The following NOL4 variants were observed in gnomAD, a reference collection of about 807,000 sequenced individuals.
NOL4 encodes the protein cancer/testis antigen 125.
In NOL4, 17 loss-of-function variants were observed where a neutral mutation model predicts 75.9. The observed-to-expected ratio is 0.22, with a 90% CI of 0.15 to 0.34. The LOEUF (loss-of-function observed/expected upper bound fraction) is 0.34, where lower values mean the gene tolerates loss of function less well. Among genes scored for constraint, NOL4 ranks in the 10% least tolerant of loss-of-function variants. The pLI is 1.00. For synonymous variants in NOL4, 292 were observed against 289.9 expected, an observed-to-expected ratio of 1.01 and a Z score of -0.07; for missense variants, 614 against 793.5, an observed-to-expected ratio of 0.77 and a Z score of 2.72.
chr18:34,222,967 A>G, intron 1 of NOL4, 23 bp downstream of exon 1: 1 of 1,600,020 alleles, frequency 6.2e-7, no homozygotes, highest in South Asian at 1.1e-5. Context: ...CAGACAAATA[A>G]CAGAGGAAGG....
At chr18:33,883,156 T>C in intron 10 of NOL4, 88 bp downstream of exon 10, 2 of 963,010 alleles carry the variant, frequency 2.1e-6, no homozygotes, top group Non-Finnish European at 3.1e-6. Flanking sequence ...TGTATACATA[T>C]GTAACTAACC....
At chr18:34,112,445 A>G (rs990596259) in intron 2 of NOL4, among the ~76,000 whole-genome samples, 1 of 151,758 alleles carries the variant, frequency 6.6e-6, no homozygotes, top group Non-Finnish European at 1.5e-5. Flanking sequence ...TAAAATATAT[A>G]TCAATATTTA....
At chr18:33,957,240 G>T in intron 8 of NOL4, 86 bp downstream of exon 8, 1 of 1,119,980 alleles carries the variant, frequency 8.9e-7, no homozygotes. Context: ...AATAAAAAAA[G>T]ACACTAAGAT....
At chr18:34,003,051 T>A (rs1216525524) in intron 6 of NOL4, among the ~76,000 whole-genome samples, 5 of 152,154 alleles carry the variant, frequency 3.3e-5, no homozygotes, top group Non-Finnish European at 7.4e-5. Flanking sequence ...TGTCCTTGCA[T>A]AATAATTGTT....
chr18:34,050,574 C>T (rs1403825361), intron 5 of NOL4, among the ~76,000 whole-genome samples: 1 of 152,030 alleles, frequency 6.6e-6, no homozygotes, highest in Non-Finnish European at 1.5e-5. Flanking sequence ...TGTGCCACAA[C>T]TTAGATTTGG....
intron 1 of NOL4, among the ~76,000 whole-genome samples, chr18:34,132,863 C>T (rs1300789207): frequency 6.6e-6 from 1 of 152,024 alleles, no homozygotes; most frequent in Non-Finnish European, 1.5e-5. Context: ...TTACAATTAA[C>T]TTCGCAAAAG....
At chr18:34,052,260 T>G (rs931174735) in intron 5 of NOL4, among the ~76,000 whole-genome samples, 1 of 143,582 alleles carries the variant, frequency 7.0e-6, no homozygotes, top group East Asian at 2.2e-4. Context: ...AGCATGTTAT[T>G]CTAGCAAGTG....
chr18:33,889,268 A>G (rs1357545664), intron 9 of NOL4, among the ~76,000 whole-genome samples: 2 of 152,162 alleles, frequency 1.3e-5, no homozygotes, highest in Non-Finnish European at 1.5e-5. Flanking sequence ...TTGAAAATCT[A>G]GAAGAAATGG....
At chr18:34,059,762 T>G (rs1056339760) in intron 5 of NOL4, among the ~76,000 whole-genome samples, 2 of 152,196 alleles carry the variant, frequency 1.3e-5, no homozygotes, top group Non-Finnish European at 2.9e-5. Flanking sequence ...TCTTTAGCAC[T>G]TTTTGTACCA....
chr18:34,141,697 G>T (rs933373961), intron 1 of NOL4, among the ~76,000 whole-genome samples: 2 of 152,182 alleles, frequency 1.3e-5, no homozygotes, highest in Admixed American at 1.3e-4. Flanking sequence ...ATGGATTAAA[G>T]ACTTAAATGT....
intron 6 of NOL4, among the ~76,000 whole-genome samples, chr18:33,978,442 G>A: frequency 6.6e-6 from 1 of 151,950 alleles, no homozygotes; most frequent in East Asian, 1.9e-4. Flanking sequence ...CCATAAGAAG[G>A]ATTTATCTTC....
At chr18:34,124,347 A>G (rs1020859483) in intron 2 of NOL4, among the ~76,000 whole-genome samples, 4 of 152,196 alleles carry the variant, frequency 2.6e-5, no homozygotes, top group Non-Finnish European at 4.4e-5. Flanking sequence ...TTTATATTCT[A>G]TGAGTGAATT....
At chr18:34,101,864 T>C (rs1370320897) in intron 4 of NOL4, among the ~76,000 whole-genome samples, 1 of 152,092 alleles carries the variant, frequency 6.6e-6, no homozygotes, top group Non-Finnish European at 1.5e-5. Context: ...TGGCTCCCCA[T>C]ATTACTCAGA....
At chr18:34,062,966 A>G (rs1323106673) in intron 5 of NOL4, among the ~76,000 whole-genome samples, 1 of 152,180 alleles carries the variant, frequency 6.6e-6, no homozygotes, top group African/African-American at 2.4e-5. Flanking sequence ...TCAACTTTAT[A>G]TCATAGAATT....
In NOL4 at chr18:34,223,197, G is replaced by A. The variant is rs1054762732; in HGVS notation, c.57C>T (p.Tyr19=). 1.2e-6 allele frequency: 2 copies of A among 1,614,024 alleles called. No homozygotes were observed. Among genetic ancestry groups the A allele is most frequent in the African/African-American group, 2.7e-5 (2 of 74,930 alleles). The part of the protein sequence containing the change: ...RQFQDWCLRT[Y]GDSGKTKTVT... Reference sequence around the variant, plus strand: ...CCGTCTTGGTCTTGCCTGAGTCCCCGTAAGTCCTGAGGCACCAGTCCTGGA... The same window carrying A: ...CCGTCTTGGTCTTGCCTGAGTCCCCATAAGTCCTGAGGCACCAGTCCTGGA... Residue 19 remains tyrosine, a synonymous_variant, in exon 1 of 11, where the codon TAC becomes TAT. Coordinates refer to ENST00000261592, the MANE Select transcript of NOL4 (RefSeq NM_003787.5).
chr18:34,201,844 T>C (rs1228129587), intron 1 of NOL4, among the ~76,000 whole-genome samples: 1 of 151,856 alleles, frequency 6.6e-6, no homozygotes, highest in Non-Finnish European at 1.5e-5. Context: ...ATAAATTTTA[T>C]ATTCGGTGCT....
intron 2 of NOL4, among the ~76,000 whole-genome samples, chr18:34,106,939 A>G (rs2145701360): frequency 6.6e-6 from 1 of 152,220 alleles, no homozygotes; most frequent in African/African-American, 2.4e-5. Context: ...TGACCAGTAA[A>G]TTTATTATCA....
intron 9 of NOL4, among the ~76,000 whole-genome samples, chr18:33,914,267 C>T (rs1332984215): frequency 2.0e-5 from 3 of 151,978 alleles, no homozygotes; most frequent in Non-Finnish European, 4.4e-5. Context: ...GGATAGCATT[C>T]TAAGTAGAAG....
intron 1 of NOL4, among the ~76,000 whole-genome samples, chr18:34,139,381 C>T (rs1441659684): frequency 1.3e-5 from 2 of 152,108 alleles, no homozygotes; most frequent in African/African-American, 4.8e-5. Context: ...TTCAGAGATT[C>T]AACTTCTTCC....
Sources: gnomAD v4.1 joint callset for allele counts (sites outside exome capture counted in the v4.1 genomes callset) on GRCh38, gnomAD v4.1.1 for gene constraint, MANE v1.5 for transcripts, NCBI Gene and HGNC (gene_info 2026-07-23, HGNC 2026-07-21) for gene names.